ARHGAP15: variants seen among roughly 807,000 people sequenced by gnomAD.
ARHGAP15 encodes rho GTPase-activating protein 15.
ARHGAP15 carries 51 observed loss-of-function variants against 63.7 expected under a neutral mutation model. The observed-to-expected ratio is 0.80, with a 90% CI of 0.64 to 1.01. ARHGAP15 has a LOEUF of 1.01. Among genes scored for constraint, ARHGAP15 ranks in the 50% least tolerant of loss-of-function variants. The pLI, the probability that ARHGAP15 is intolerant of heterozygous loss-of-function variation, is 0.00. For synonymous variants in ARHGAP15, 191 were observed against 193.8 expected (o/e 0.99, Z 0.12); for missense variants, 560 against 564.6 (o/e 0.99, Z 0.08).
intron 10 of ARHGAP15, among the ~76,000 whole-genome samples, chr2:143,545,756 T>C (rs2105061217): frequency 6.6e-6 from 1 of 152,312 alleles, no homozygotes; most frequent in East Asian, 1.9e-4. Flanking sequence ...GGGATTTTTT[T>C]TTCCTACGTC....
intron 13 of ARHGAP15, among the ~76,000 whole-genome samples, chr2:143,713,925 GT>G (rs1684696412): frequency 6.6e-6 from 1 of 152,202 alleles, no homozygotes; most frequent in South Asian, 2.1e-4. Flanking sequence ...GGCATCGAGT[GT>G]CTGCAGCTTT....
intron 9 of ARHGAP15, among the ~76,000 whole-genome samples, chr2:143,493,610 ACTGT>A (rs1303324535): frequency 8.6e-5 from 13 of 151,854 alleles, no homozygotes; most frequent in Non-Finnish European, 1.0e-4. Context: ...ATTCTCTCAA[ACTGT>A]CTGTGTATTC....
intron 2 of ARHGAP15, among the ~76,000 whole-genome samples, chr2:143,174,699 T>C (rs1204674257): frequency 6.6e-6 from 1 of 152,156 alleles, no homozygotes; most frequent in Admixed American, 6.6e-5. Context: ...TTTGAGTGCC[T>C]ATTTGATTTA....
chr2:143,352,078 C>A (rs945673426), intron 6 of ARHGAP15, among the ~76,000 whole-genome samples: 2 of 152,112 alleles, frequency 1.3e-5, no homozygotes, highest in Admixed American at 6.6e-5. Context: ...CCTCAACTTT[C>A]GAACAACATT....
chr2:143,373,629 C>CA (rs58153000), intron 6 of ARHGAP15, among the ~76,000 whole-genome samples: 734 of 62,956 alleles, frequency 0.012, 49 homozygotes, highest in Non-Finnish European at 0.018. Context: ...GACTCTATCT[C>CA]AAAAAAAAAA....
intron 6 of ARHGAP15, among the ~76,000 whole-genome samples, chr2:143,384,398 A>G (rs1241628399): frequency 6.6e-6 from 1 of 152,116 alleles, no homozygotes; most frequent in African/African-American, 2.4e-5. Context: ...TTTTTAGAAT[A>G]AGGTTTTCAT....
intron 6 of ARHGAP15, among the ~76,000 whole-genome samples, chr2:143,279,245 C>G (rs894760702): frequency 6.6e-6 from 1 of 152,010 alleles, no homozygotes; most frequent in Admixed American, 6.6e-5. Flanking sequence ...GCTCAAGTGC[C>G]AATTTTGTGG....
At chr2:143,404,671 A>G (rs1282712670) in intron 6 of ARHGAP15, among the ~76,000 whole-genome samples, 1 of 151,942 alleles carries the variant, frequency 6.6e-6, no homozygotes, top group Non-Finnish European at 1.5e-5. Flanking sequence ...ATTCAGCAGC[A>G]AACACTTATG....
At chr2:143,322,015 A>G (rs1381494924) in intron 6 of ARHGAP15, among the ~76,000 whole-genome samples, 1 of 152,174 alleles carries the variant, frequency 6.6e-6, no homozygotes, top group Non-Finnish European at 1.5e-5. Flanking sequence ...TAATCACTCT[A>G]TCTAGATGAT....
chr2:143,533,908 C>G (rs933947754), intron 10 of ARHGAP15, among the ~76,000 whole-genome samples: 2 of 152,170 alleles, frequency 1.3e-5, no homozygotes, highest in African/African-American at 4.8e-5. Context: ...CAAAGCCATG[C>G]ATTACCAGCT....
chr2:143,189,543 A>G (rs1350946462), intron 2 of ARHGAP15, among the ~76,000 whole-genome samples: 1 of 146,218 alleles, frequency 6.8e-6, no homozygotes, highest in Non-Finnish European at 1.5e-5. Flanking sequence ...CCTCATTGCA[A>G]CCTCCCCTCT....
At chr2:143,713,271 G>T (rs997511328) in intron 13 of ARHGAP15, among the ~76,000 whole-genome samples, 4 of 152,082 alleles carry the variant, frequency 2.6e-5, no homozygotes, top group African/African-American at 9.7e-5. Context: ...AAACAAAGAA[G>T]AAGCAAAAAT....
intron 11 of ARHGAP15, among the ~76,000 whole-genome samples, chr2:143,569,097 G>T (rs1696351144): frequency 6.6e-6 from 1 of 152,010 alleles, no homozygotes; most frequent in East Asian, 1.9e-4. Flanking sequence ...AGCCAGCATG[G>T]CACATGTATA....
chr2:143,532,507 A>G (rs574533067), intron 10 of ARHGAP15, among the ~76,000 whole-genome samples: 5 of 152,324 alleles, frequency 3.3e-5, no homozygotes, highest in Non-Finnish European at 7.4e-5. Flanking sequence ...CAGAAAAAGC[A>G]ATTCTTCTTA....
chr2:143,219,557 T>A (rs2105151422), intron 4 of ARHGAP15, among the ~76,000 whole-genome samples: 1 of 152,340 alleles, frequency 6.6e-6, no homozygotes, highest in South Asian at 2.1e-4. Flanking sequence ...CTGTTAGGAA[T>A]TTTCTCAGGG....
At chr2:143,184,960 G>A (rs1691384647) in intron 2 of ARHGAP15, among the ~76,000 whole-genome samples, 1 of 151,660 alleles carries the variant, frequency 6.6e-6, no homozygotes, top group Admixed American at 6.6e-5. Flanking sequence ...TGGGAATACA[G>A]GCTCAGCCAA....
intron 6 of ARHGAP15, among the ~76,000 whole-genome samples, chr2:143,336,914 G>T (rs1337453634): frequency 5.9e-5 from 9 of 152,184 alleles, no homozygotes. Flanking sequence ...TGGGAAAACA[G>T]TGGTGATCAT....
intron 8 of ARHGAP15, among the ~76,000 whole-genome samples, chr2:143,472,590 G>T (rs1055184387): frequency 1.3e-5 from 2 of 151,912 alleles, no homozygotes; most frequent in Non-Finnish European, 2.9e-5. Flanking sequence ...CTGTTTAGAC[G>T]CATCAGTATT....
At chr2:143,330,229 G>A (rs1684487144) in intron 6 of ARHGAP15, among the ~76,000 whole-genome samples, 1 of 148,254 alleles carries the variant, frequency 6.7e-6, no homozygotes. Context: ...CAAGACAGAA[G>A]AGTTTAAGTG....
Sources: gnomAD v4.1 joint callset for allele counts (sites outside exome capture counted in the v4.1 genomes callset) on GRCh38, gnomAD v4.1.1 for gene constraint, MANE v1.5 for transcripts, NCBI Gene and HGNC (gene_info 2026-07-23, HGNC 2026-07-21) for gene names.